The following ULK4 variants were observed in gnomAD, a reference collection of about 807,000 sequenced individuals.
The protein encoded by ULK4 is unc-51 like kinase 4, also known as inactive serine/threonine-protein kinase ULK4.
Under a neutral mutation model 160.6 loss-of-function variants are expected in ULK4, and 133 were observed. The observed-to-expected ratio is 0.83, with a 90% CI of 0.72 to 0.96. The LOEUF is 0.96. ULK4 is among the 40% of genes least tolerant of loss of function. ULK4 has a pLI of 0.00. For synonymous variants in ULK4, 534 were observed against 539.8 expected, an observed-to-expected ratio of 0.99 and a Z score of 0.15; for missense variants, 1,580 against 1,499.5, an observed-to-expected ratio of 1.05 and a Z score of -0.89.
intron 32 of ULK4, among the ~76,000 whole-genome samples, chr3:41,538,679 A>G (rs2086594338): frequency 6.6e-6 from 1 of 152,176 alleles, no homozygotes; most frequent in Non-Finnish European, 1.5e-5. Flanking sequence ...TTTTAAATAG[A>G]TCTCACAACA....
chr3:41,654,053 C>G (rs896559991), intron 30 of ULK4, among the ~76,000 whole-genome samples: 1 of 152,326 alleles, frequency 6.6e-6, no homozygotes, highest in South Asian at 2.1e-4. Flanking sequence ...CGTAAACTCA[C>G]ATCTATGTTA....
intron 30 of ULK4, among the ~76,000 whole-genome samples, chr3:41,646,482 G>T (rs556163512): frequency 2.5e-3 from 385 of 152,288 alleles, no homozygotes; most frequent in African/African-American, 8.8e-3. Context: ...GAGATTCTGG[G>T]TTGAAAATTC....
intron 30 of ULK4, among the ~76,000 whole-genome samples, chr3:41,645,225 C>G (rs543035462): frequency 6.6e-6 from 1 of 151,418 alleles, no homozygotes; most frequent in Non-Finnish European, 1.5e-5. Context: ...TATTTCTTGC[C>G]TTCTGCTAGC....
At chr3:41,319,206 G>A (rs1302855121) in intron 35 of ULK4, among the ~76,000 whole-genome samples, 1 of 152,102 alleles carries the variant, frequency 6.6e-6, no homozygotes, top group Admixed American at 6.5e-5. Flanking sequence ...TCTGCCAGGT[G>A]CACCTGGGCA....
intron 35 of ULK4, among the ~76,000 whole-genome samples, chr3:41,318,416 A>C (rs1349852638): frequency 6.6e-6 from 1 of 152,198 alleles, no homozygotes; most frequent in Admixed American, 6.5e-5. Context: ...GTTTAAATTC[A>C]GTAAGTAGGC....
At chr3:41,393,945 T>G (rs1348292182) in intron 35 of ULK4, among the ~76,000 whole-genome samples, 3 of 152,146 alleles carry the variant, frequency 2.0e-5, no homozygotes, top group Non-Finnish European at 2.9e-5. Context: ...GAACATTATT[T>G]AAGCTCCTTG....
intron 27 of ULK4, among the ~76,000 whole-genome samples, chr3:41,702,606 G>A (rs991822342): frequency 2.0e-5 from 3 of 151,888 alleles, no homozygotes; most frequent in Non-Finnish European, 2.9e-5. Context: ...AGGAGGGTAA[G>A]GCAAAAAACA....
At chr3:41,687,394 A>T (rs1352000833) in intron 27 of ULK4, among the ~76,000 whole-genome samples, 1 of 151,998 alleles carries the variant, frequency 6.6e-6, no homozygotes, top group Non-Finnish European at 1.5e-5. Context: ...AAAATTAATT[A>T]AACAAATTTA....
At chr3:41,486,359 T>C (rs954289364) in intron 32 of ULK4, among the ~76,000 whole-genome samples, 5 of 152,038 alleles carry the variant, frequency 3.3e-5, no homozygotes, top group Non-Finnish European at 5.9e-5. Context: ...AGAAAACCCA[T>C]CAATGAACAT....
chr3:41,300,505 G>A lies in ULK4; in HGVS notation c.3679-50931C>T, dbSNP rs376612905. Among the ~76,000 whole-genome samples, 50 of 152,120 alleles carry A rather than the reference G, an allele frequency of 3.3e-4. No individual in the cohort carries two copies. The East Asian group carries it at 8.3e-3, about 25-fold the overall frequency. Reference sequence around the variant, plus strand: ...CAAATAAACTCTACAGGATTTTGTCGTAAGTTTTCACTGGTTTCTGTATTA... The same window carrying A: ...CAAATAAACTCTACAGGATTTTGTCATAAGTTTTCACTGGTTTCTGTATTA... On this transcript the variant is annotated intron_variant, in intron 35 of 36. Coordinates refer to ENST00000301831, the MANE Select transcript of ULK4 (RefSeq NM_017886.4).
At chr3:41,338,662 G>A (rs1382570864) in intron 35 of ULK4, among the ~76,000 whole-genome samples, 1 of 151,974 alleles carries the variant, frequency 6.6e-6, no homozygotes, top group East Asian at 1.9e-4. Flanking sequence ...TACTTTGGAG[G>A]GTACAGCAGT....
At chr3:41,420,981 G>A (rs1416250145) in intron 34 of ULK4, among the ~76,000 whole-genome samples, 1 of 151,964 alleles carries the variant, frequency 6.6e-6, no homozygotes, top group African/African-American at 2.4e-5. Flanking sequence ...GGGCATGGTG[G>A]TGCATGGCTG....
chr3:41,719,929 C>G (rs1038139348), intron 22 of ULK4, among the ~76,000 whole-genome samples: 2 of 152,140 alleles, frequency 1.3e-5, no homozygotes, highest in African/African-American at 4.8e-5. Context: ...ACACTGGGTT[C>G]TCTGTCTCTT....
rs2081306541 is a variant in ULK4, at chr3:41,368,899, T to C, written c.3678+29180A>G. On this transcript the variant is annotated intron_variant, in intron 35 of 36. Coordinates refer to ENST00000301831, the MANE Select transcript of ULK4 (RefSeq NM_017886.4). Reference sequence around the variant, plus strand: ...AATTAAAAAAATACTGCTTAAAAAATTACAAAAATATTTTTTCAAAAATAG... The same window carrying C: ...AATTAAAAAAATACTGCTTAAAAAACTACAAAAATATTTTTTCAAAAATAG... Among the ~76,000 whole-genome samples, 3 of 152,266 alleles carry C rather than the reference T, an allele frequency of 2.0e-5. No homozygotes were observed. The South Asian group carries it at 6.2e-4, about 32-fold the overall frequency.
At chr3:41,282,459 C>T (rs895030108) in intron 35 of ULK4, among the ~76,000 whole-genome samples, 21 of 152,074 alleles carry the variant, frequency 1.4e-4, no homozygotes, top group Middle Eastern at 3.2e-3. Flanking sequence ...GAGATATAGA[C>T]CAATGGAACA....
intron 18 of ULK4, among the ~76,000 whole-genome samples, chr3:41,830,839 G>T (rs1408331825): frequency 1.3e-5 from 2 of 151,244 alleles, no homozygotes; most frequent in African/African-American, 4.9e-5. Context: ...TTTCTCGGGG[G>T]GTATACAAAA....
At chr3:41,715,373 T>C in intron 24 of ULK4, 74 bp downstream of exon 24, 1 of 1,610,930 alleles carries the variant, frequency 6.2e-7, no homozygotes. Flanking sequence ...ATGTTTTGAG[T>C]TGAGGATTCT....
chr3:41,775,561 G>A (rs1249886939), intron 21 of ULK4, among the ~76,000 whole-genome samples: 1 of 150,124 alleles, frequency 6.7e-6, no homozygotes, highest in Non-Finnish European at 1.5e-5. Flanking sequence ...ACCACACCCA[G>A]CTAATTTTTG....
chr3:41,720,075 C>G (rs2037397840), intron 22 of ULK4, among the ~76,000 whole-genome samples: 1 of 152,108 alleles, frequency 6.6e-6, no homozygotes, highest in African/African-American at 2.4e-5. Flanking sequence ...TTAAAGCCCT[C>G]TATGGTACTG....
Sources: gnomAD v4.1 joint callset for allele counts (sites outside exome capture counted in the v4.1 genomes callset) on GRCh38, gnomAD v4.1.1 for gene constraint, MANE v1.5 for transcripts, NCBI Gene and HGNC (gene_info 2026-07-23, HGNC 2026-07-21) for gene names.